Variants in ACTR3C observed in about 807,000 individuals in gnomAD.
ACTR3C encodes actin-related protein 3C.
ACTR3C carries 18 observed loss-of-function variants against 26.3 expected under a neutral mutation model. That is an observed-to-expected ratio of 0.68 (90% confidence interval 0.47 to 1.01). ACTR3C has a LOEUF of 1.01. ACTR3C is among the 50% of genes least tolerant of loss of function. ACTR3C has a pLI of 0.00. For missense variants in ACTR3C, 184 were observed against 250.7 expected (o/e 0.73, Z 1.80); for synonymous variants, 55 against 94.5 (o/e 0.58, Z 2.42).
At chr7:149,976,669 A>G in the ACTR3C span, among the ~76,000 whole-genome samples, 3 of 151,668 alleles carry the variant, frequency 2.0e-5, no homozygotes, top group Non-Finnish European at 4.4e-5. Context: ...GATAAAAGTA[A>G]AAAAAAATTA....
chr7:150,293,197 A>G, intron 3 of ACTR3C, 115 bp downstream of exon 3: 2 of 1,534,804 alleles, frequency 1.3e-6, no homozygotes, highest in Non-Finnish European at 1.8e-6. Flanking sequence ...AAGTACAACT[A>G]TCATCTAAAT....
At chr7:150,308,961 A>G (rs185443176) in intron 1 of ACTR3C, among the ~76,000 whole-genome samples, 1 of 152,176 alleles carries the variant, frequency 6.6e-6, no homozygotes, top group Non-Finnish European at 1.5e-5. Flanking sequence ...CAGTCCTACA[A>G]TTTAACCTGG....
At chr7:150,237,145 T>C in the ACTR3C span, among the ~76,000 whole-genome samples, 2 of 152,072 alleles carry the variant, frequency 1.3e-5, no homozygotes, top group Admixed American at 6.5e-5. Flanking sequence ...CCAAATGGCA[T>C]TGATGCTGGA....
the ACTR3C span, among the ~76,000 whole-genome samples, chr7:149,977,333 C>T: frequency 6.6e-6 from 1 of 152,172 alleles, no homozygotes; most frequent in Admixed American, 6.5e-5. Context: ...AACTGGGACC[C>T]AAGATAGCCA....
At chr7:150,157,579 A>G in the ACTR3C span, among the ~76,000 whole-genome samples, 1 of 151,968 alleles carries the variant, frequency 6.6e-6, no homozygotes, top group Non-Finnish European at 1.5e-5. Flanking sequence ...CTCTACCAGC[A>G]AGTCATTATA....
At chr7:150,059,392 C>T in the ACTR3C span, among the ~76,000 whole-genome samples, 1 of 152,152 alleles carries the variant, frequency 6.6e-6, no homozygotes, top group African/African-American at 2.4e-5. Flanking sequence ...GTCCATAACT[C>T]TGAGGAAAAA....
At chr7:150,023,195 A>C in the ACTR3C span, among the ~76,000 whole-genome samples, 212 of 150,892 alleles carry the variant, frequency 1.4e-3, 1 homozygote, top group African/African-American at 3.0e-3. Context: ...CTATATAGAT[A>C]TCTATATATA....
chr7:150,155,918 T>C, the ACTR3C span, among the ~76,000 whole-genome samples: 71 of 151,890 alleles, frequency 4.7e-4, no homozygotes, highest in South Asian at 0.014. Flanking sequence ...TAATGGGCCA[T>C]ATTCCAGAGC....
chr7:150,057,232 T>C, the ACTR3C span, among the ~76,000 whole-genome samples: 1 of 150,158 alleles, frequency 6.7e-6, no homozygotes, highest in African/African-American at 2.4e-5. Context: ...GATCCTCGGG[T>C]GGTATACTTA....
At chr7:150,186,417 C>T in the ACTR3C span, among the ~76,000 whole-genome samples, 1 of 152,110 alleles carries the variant, frequency 6.6e-6, no homozygotes, top group African/African-American at 2.4e-5. Context: ...TGATCCATCC[C>T]ATGAGAAAAC....
At chr7:150,015,744 T>A in the ACTR3C span, among the ~76,000 whole-genome samples, 91 of 152,314 alleles carry the variant, frequency 6.0e-4, no homozygotes, top group African/African-American at 2.1e-3. Context: ...GGAGCCTTCA[T>A]TGCCCAGCCT....
At chr7:150,248,083 C>G (rs1234636112) in intron 7 of ACTR3C, 1 of 152,314 alleles carries the variant, frequency 6.6e-6, no homozygotes, top group Non-Finnish European at 1.5e-5. Context: ...TACAATGGAA[C>G]CTGCCCCTGC....
At chr7:150,105,401 G>A in the ACTR3C span, among the ~76,000 whole-genome samples, 3 of 151,966 alleles carry the variant, frequency 2.0e-5, no homozygotes, top group African/African-American at 7.3e-5. Flanking sequence ...CTTCTTAAAG[G>A]AACTCACGGG....
intron 6 of ACTR3C, chr7:150,264,523 A>G (rs1833881166): frequency 1.1e-6 from 1 of 902,912 alleles, no homozygotes; most frequent in South Asian, 5.2e-5. Context: ...AAAAGGGCAA[A>G]AAATGAAAAC....
rs535282328 is a variant in ACTR3C at position 150,322,240 on chromosome 7, C to T, written c.-52+1229G>A. On this transcript the variant is annotated intron_variant, in intron 1 of 7. Coordinates refer to ENST00000683684, the MANE Select transcript of ACTR3C (RefSeq NM_001164458.2). Reference sequence around the variant, plus strand: ...CAGAGGTGTTTAAGCCAGAATTACTCCATCTTGAATAAGGGCTGGGTAAAA... The same window carrying T: ...CAGAGGTGTTTAAGCCAGAATTACTTCATCTTGAATAAGGGCTGGGTAAAA... Among the ~76,000 whole-genome samples the T allele has an allele frequency of 3.3e-5, 5 of 152,282 alleles. No homozygotes were observed. In the East Asian group the frequency reaches 7.7e-4, roughly 23 times the overall value.
chr7:149,929,018 A>G, the ACTR3C span, among the ~76,000 whole-genome samples: 1 of 152,214 alleles, frequency 6.6e-6, no homozygotes, highest in Non-Finnish European at 1.5e-5. Context: ...TAAACAAATG[A>G]GGCCTATGGA....
At chr7:150,286,802 C>T (rs1181179341) in intron 4 of ACTR3C, among the ~76,000 whole-genome samples, 6 of 151,532 alleles carry the variant, frequency 4.0e-5, no homozygotes, top group South Asian at 4.2e-4. Context: ...CCAATTCTAT[C>T]GCTATCATAT....
the ACTR3C span, among the ~76,000 whole-genome samples, chr7:149,969,728 A>G: frequency 6.6e-6 from 1 of 152,246 alleles, no homozygotes; most frequent in Non-Finnish European, 1.5e-5. Context: ...ATTGCTTAAA[A>G]TGACATAACT....
intron 5 of ACTR3C, among the ~76,000 whole-genome samples, chr7:150,285,333 T>A (rs1835687697): frequency 6.6e-6 from 1 of 152,222 alleles, no homozygotes; most frequent in Non-Finnish European, 1.5e-5. Context: ...TTGTTTAACA[T>A]GAAACAATCC....
Sources: gnomAD v4.1 joint callset for allele counts (sites outside exome capture counted in the v4.1 genomes callset) on GRCh38, gnomAD v4.1.1 for gene constraint, MANE v1.5 for transcripts, NCBI Gene and HGNC (gene_info 2026-07-23, HGNC 2026-07-21) for gene names.